GRAMD1B: variants seen among roughly 807,000 people sequenced by gnomAD.
GRAMD1B encodes the protein protein Aster-B.
GRAMD1B carries 37 observed loss-of-function variants against 99.7 expected under a neutral mutation model. That is an observed-to-expected ratio of 0.37 (90% confidence interval 0.29 to 0.49). The LOEUF (loss-of-function observed/expected upper bound fraction) is 0.49, where lower values mean the gene tolerates loss of function less well. GRAMD1B is among the 20% of genes least tolerant of loss of function. GRAMD1B has a pLI of 0.98. For synonymous variants in GRAMD1B, 427 were observed against 387.6 expected, an observed-to-expected ratio of 1.10 and a Z score of -1.19; for missense variants, 888 against 1,009.2, an observed-to-expected ratio of 0.88 and a Z score of 1.63.
At chr11:123,427,808 C>A (rs1677782407), upstream of GRAMD1B, among the ~76,000 whole-genome samples, 1 of 152,190 alleles carries the variant, frequency 6.6e-6, no homozygotes, top group South Asian at 2.1e-4. Context: ...TTCCCTCAGG[C>A]CGGGTGAAAT....
intron 2 of GRAMD1B, among the ~76,000 whole-genome samples, chr11:123,529,729 G>A (rs1220320777): frequency 2.0e-5 from 3 of 152,090 alleles, no homozygotes; most frequent in South Asian, 4.1e-4. Context: ...TTTTGGTGAC[G>A]CAAAGATAGT....
chr11:123,433,546 A>G (rs777040437), intron 1 of GRAMD1B, among the ~76,000 whole-genome samples: 20 of 152,202 alleles, frequency 1.3e-4, no homozygotes, highest in Non-Finnish European at 2.4e-4. Context: ...ATTCCCAGCT[A>G]CTTGGGTTGT....
upstream of GRAMD1B, among the ~76,000 whole-genome samples, chr11:123,428,355 T>G (rs1266389121): frequency 6.6e-6 from 1 of 152,236 alleles, no homozygotes; most frequent in African/African-American, 2.4e-5. Flanking sequence ...TTGGCAGGCC[T>G]GACACCTGAT....
At chr11:123,482,130 G>A (rs1033961187) in intron 2 of GRAMD1B, among the ~76,000 whole-genome samples, 12 of 149,800 alleles carry the variant, frequency 8.0e-5, no homozygotes, top group African/African-American at 2.7e-4. Flanking sequence ...ACAGAATCTC[G>A]CTCTGTCACA....
At chr11:123,598,305 A>G in intron 7 of GRAMD1B, 2 of 1,270,792 alleles carry the variant, frequency 1.6e-6, no homozygotes, top group South Asian at 2.4e-5. Flanking sequence ...GCCAAGTGGC[A>G]GGTTTTTGGG....
At chr11:123,582,490 G>C (rs201050052) in intron 3 of GRAMD1B, among the ~76,000 whole-genome samples, 1 of 152,206 alleles carries the variant, frequency 6.6e-6, no homozygotes, top group Non-Finnish European at 1.5e-5. Flanking sequence ...GATGGACCGT[G>C]GTGACAGGTT....
chr11:123,479,198 G>T (rs149765404), intron 1 of GRAMD1B, among the ~76,000 whole-genome samples: 1 of 152,322 alleles, frequency 6.6e-6, no homozygotes, highest in African/African-American at 2.4e-5. Context: ...CGCTGTTCCG[G>T]TTTCTGGTGT....
intron 1 of GRAMD1B, among the ~76,000 whole-genome samples, chr11:123,410,039 C>T (rs923612382): frequency 2.0e-5 from 3 of 152,228 alleles, no homozygotes; most frequent in Non-Finnish European, 4.4e-5. Flanking sequence ...TTGTGCCTTT[C>T]CCTTTCTGAC....
chr11:123,369,992 T>A (rs1041093435), intron 1 of GRAMD1B, among the ~76,000 whole-genome samples: 24 of 152,044 alleles, frequency 1.6e-4, no homozygotes, highest in African/African-American at 5.1e-4. Flanking sequence ...GAAGTGCAGA[T>A]GTGAAGGACC....
intron 2 of GRAMD1B, among the ~76,000 whole-genome samples, chr11:123,506,259 G>A (rs1354372505): frequency 6.6e-6 from 1 of 152,178 alleles, no homozygotes; most frequent in Admixed American, 6.5e-5. Flanking sequence ...CTGCCATGGA[G>A]GCTCTTCCTA....
At chr11:123,470,930 T>G (rs534443292) in intron 1 of GRAMD1B, among the ~76,000 whole-genome samples, 2 of 152,286 alleles carry the variant, frequency 1.3e-5, no homozygotes, top group South Asian at 4.1e-4. Flanking sequence ...CTGTCCACAA[T>G]GAAGCCACGA....
chr11:123,480,724 C>T, intron 1 of GRAMD1B, 92 bp from the exon 2 acceptor site: 2 of 397,460 alleles, frequency 5.0e-6, no homozygotes, highest in Non-Finnish European at 8.9e-6. Flanking sequence ...TTTTGTAACC[C>T]CATGTCTTTG....
At position 123,400,541 on chromosome 11, in the gene GRAMD1B, A is replaced by C. The variant is rs544123681; in HGVS notation, c.-176+41742A>C. On this transcript the variant is annotated intron_variant, in intron 1 of 20. Transcript: ENST00000638157. ...CATAGTCCTGAAGGCTGGAAGTCCA[A>C]CATTAAGATGTGGGCAGATTTGATG... 1.6e-4 allele frequency among the ~76,000 whole-genome samples: 24 copies of C among 152,288 alleles called. 1 individual carries two copies. In the South Asian group the frequency reaches 3.7e-3, roughly 24 times the overall value.
intron 14 of GRAMD1B, among the ~76,000 whole-genome samples, chr11:123,612,185 A>G (rs937891531): frequency 6.6e-6 from 1 of 151,798 alleles, no homozygotes; most frequent in Non-Finnish European, 1.5e-5. Context: ...CTCCACCTCA[A>G]CCTCCCATTA....
intron 2 of GRAMD1B, among the ~76,000 whole-genome samples, chr11:123,535,967 A>G (rs1277713135): frequency 6.6e-6 from 1 of 152,142 alleles, no homozygotes; most frequent in African/African-American, 2.4e-5. Flanking sequence ...TCGTTGTTGC[A>G]GTGTGGGGAT....
At chr11:123,608,610 C>T (rs890217730) in intron 11 of GRAMD1B, 49 bp from the exon 12 acceptor site, 60 of 1,561,238 alleles carry the variant, frequency 3.8e-5, no homozygotes, top group Non-Finnish European at 5.1e-5. Context: ...CTGGGGCCCC[C>T]TCCCCCTCCG....
intron 3 of GRAMD1B, among the ~76,000 whole-genome samples, chr11:123,580,951 C>T (rs1298849400): frequency 6.6e-6 from 1 of 150,592 alleles, no homozygotes; most frequent in African/African-American, 2.5e-5. Flanking sequence ...TCCAGTATGA[C>T]AGACTTAACC....
chr11:123,440,255 A>T, intron 1 of GRAMD1B, among the ~76,000 whole-genome samples: 1 of 152,198 alleles, frequency 6.6e-6, no homozygotes, highest in East Asian at 1.9e-4. Flanking sequence ...TCACGCCTGT[A>T]ATCCTAGCAC....
chr11:123,393,007 G>C (rs1261918662), intron 1 of GRAMD1B, among the ~76,000 whole-genome samples: 1 of 152,174 alleles, frequency 6.6e-6, no homozygotes, highest in Non-Finnish European at 1.5e-5. Flanking sequence ...TGTTGAACAG[G>C]ATGAGGCCAG....
Sources: allele counts gnomAD v4.1 joint callset (sites outside exome capture counted in the v4.1 genomes callset), GRCh38; gene constraint gnomAD v4.1.1; transcripts MANE v1.5; gene names NCBI Gene and HGNC (gene_info 2026-07-23, HGNC 2026-07-21).